The following ASIC2 variants were observed in gnomAD, a reference collection of about 807,000 sequenced individuals.
ASIC2 encodes the protein acid-sensing ion channel 2.
ASIC2 carries 25 observed loss-of-function variants against 57.3 expected under a neutral mutation model. The observed-to-expected ratio is 0.44, with a 90% confidence interval of 0.32 to 0.61. ASIC2 has a LOEUF of 0.61. Ranked by LOEUF, ASIC2 falls within the 20% of genes least tolerant of loss-of-function variation. The pLI is 0.06. For missense variants in ASIC2, 641 were observed against 738.1 expected (o/e 0.87, Z 1.52); for synonymous variants, 319 against 307.5 (o/e 1.04, Z -0.39).
At position 33,201,578 on chromosome 17, in the gene ASIC2, T is replaced by A. The variant is rs1906861529; in HGVS notation, c.709-89511A>T. ...CACCCCTTTTCTAGACATTTCTGAA[T>A]AACTCACCCTTTAATTTGCATGTAA... is the stretch of plus-strand genomic sequence containing the variant. On this transcript the variant is annotated intron_variant, in intron 1 of 9. Transcript: ENST00000225823. Among the ~76,000 whole-genome samples, 4 of 152,240 alleles carry A rather than the reference T, an allele frequency of 2.6e-5. No homozygotes were observed. In the South Asian group the frequency reaches 8.3e-4, roughly 32 times the overall value.
intron 1 of ASIC2, among the ~76,000 whole-genome samples, chr17:33,153,612 C>G (rs1039406292): frequency 1.3e-5 from 2 of 152,160 alleles, no homozygotes; most frequent in Non-Finnish European, 2.9e-5. Context: ...TTTATGCTTT[C>G]ACAATTTAAG....
At chr17:33,464,687 C>CTATA (rs3057641) in intron 1 of ASIC2, among the ~76,000 whole-genome samples, 2 of 132,640 alleles carry the variant, frequency 1.5e-5, no homozygotes, top group African/African-American at 5.8e-5. Flanking sequence ...CTCTCTCTCT[C>CTATA]TATATATATA....
At chr17:33,142,102 C>T (rs761959218) in intron 1 of ASIC2, among the ~76,000 whole-genome samples, 3 of 152,190 alleles carry the variant, frequency 2.0e-5, no homozygotes, top group Admixed American at 6.5e-5. Context: ...TTCTCTGTTG[C>T]TTTTTCAGCA....
At chr17:34,087,436 T>C (rs372156588) in intron 1 of ASIC2, among the ~76,000 whole-genome samples, 9 of 151,222 alleles carry the variant, frequency 6.0e-5, no homozygotes, top group African/African-American at 2.2e-4. Flanking sequence ...CTTCCCTTTG[T>C]GGGTAACCCG....
At chr17:33,801,287 T>G (rs564975241) in intron 1 of ASIC2, among the ~76,000 whole-genome samples, 1 of 152,240 alleles carries the variant, frequency 6.6e-6, no homozygotes, top group South Asian at 2.1e-4. Context: ...ACATCAGACA[T>G]TTTGCAGGAG....
intron 1 of ASIC2, among the ~76,000 whole-genome samples, chr17:33,390,067 C>A (rs1461158886): frequency 1.3e-5 from 2 of 152,000 alleles, no homozygotes; most frequent in African/African-American, 2.4e-5. Context: ...AATTCCAGTA[C>A]TTTGGGAGGC....
intron 1 of ASIC2, among the ~76,000 whole-genome samples, chr17:34,154,239 G>C (rs1359776566): frequency 6.6e-6 from 1 of 152,214 alleles, no homozygotes; most frequent in African/African-American, 2.4e-5. Flanking sequence ...GAACGGGGTG[G>C]AATATAGTGA....
At chr17:34,002,052 T>G (rs142883566) in intron 1 of ASIC2, 1 of 152,254 alleles carries the variant, frequency 6.6e-6, no homozygotes, top group Non-Finnish European at 1.5e-5. Flanking sequence ...ATTCAAACTC[T>G]CCTCTGAAAG....
At chr17:33,067,636 G>C (rs1598261182) in intron 3 of ASIC2, among the ~76,000 whole-genome samples, 1 of 152,144 alleles carries the variant, frequency 6.6e-6, no homozygotes, top group South Asian at 2.1e-4. Context: ...AGCCACCAAG[G>C]GTGTCTAAGT....
intron 1 of ASIC2, among the ~76,000 whole-genome samples, chr17:33,587,946 A>G (rs540727714): frequency 1.8e-4 from 27 of 152,196 alleles, no homozygotes; most frequent in Middle Eastern, 3.2e-3. Context: ...AGCTGACTTC[A>G]TAACAGTCTC....
chr17:33,544,241 G>A (rs192579931), intron 1 of ASIC2, among the ~76,000 whole-genome samples: 3 of 152,284 alleles, frequency 2.0e-5, no homozygotes, highest in African/African-American at 7.2e-5. Flanking sequence ...CTGAGTAGTA[G>A]ACCATTGTGT....
chr17:33,702,542 CT>C, intron 1 of ASIC2, among the ~76,000 whole-genome samples: 1 of 152,264 alleles, frequency 6.6e-6, no homozygotes. Context: ...CACCATTACA[CT>C]TTAACTTGTG....
intron 1 of ASIC2, among the ~76,000 whole-genome samples, chr17:34,053,066 A>G (rs1170709260): frequency 1.3e-5 from 2 of 152,118 alleles, no homozygotes; most frequent in Non-Finnish European, 2.9e-5. Flanking sequence ...TTGCTGTTCC[A>G]AGCTGCTCAC....
intron 7 of ASIC2, 57 bp downstream of exon 7, chr17:33,021,162 T>TGCCCC: frequency 2.0e-5 from 14 of 693,998 alleles, no homozygotes; most frequent in Non-Finnish European, 1.8e-5. Context: ...CTGTGCATCC[T>TGCCCC]CCCTCCCTCC....
At chr17:33,325,185 T>C (rs1907025990) in intron 1 of ASIC2, among the ~76,000 whole-genome samples, 1 of 151,948 alleles carries the variant, frequency 6.6e-6, no homozygotes, top group Non-Finnish European at 1.5e-5. Context: ...CATAGTCCAG[T>C]GAGGAAAGCA....
intron 1 of ASIC2, among the ~76,000 whole-genome samples, chr17:33,382,043 T>G (rs531549012): frequency 6.6e-6 from 1 of 152,168 alleles, no homozygotes; most frequent in South Asian, 2.1e-4. Flanking sequence ...TAGTCCCACG[T>G]TGGATCTCCC....
At chr17:33,545,623 C>G (rs1174999238) in intron 1 of ASIC2, among the ~76,000 whole-genome samples, 1 of 152,126 alleles carries the variant, frequency 6.6e-6, no homozygotes, top group Non-Finnish European at 1.5e-5. Context: ...CACCTTCATT[C>G]AATGCCCATT....
intron 3 of ASIC2, among the ~76,000 whole-genome samples, chr17:33,086,625 A>G (rs901707396): frequency 1.3e-5 from 2 of 152,134 alleles, no homozygotes; most frequent in Non-Finnish European, 2.9e-5. Flanking sequence ...TAGTTGGCCT[A>G]TGAAGACTTG....
At chr17:33,014,486 A>G (rs1210633331) in intron 9 of ASIC2, among the ~76,000 whole-genome samples, 1 of 151,916 alleles carries the variant, frequency 6.6e-6, no homozygotes, top group Non-Finnish European at 1.5e-5. Flanking sequence ...GCTGAGGCCA[A>G]GCAGAAACGG....
Sources: allele counts gnomAD v4.1 joint callset (sites outside exome capture counted in the v4.1 genomes callset), GRCh38; gene constraint gnomAD v4.1.1; transcripts MANE v1.5; gene names NCBI Gene and HGNC (gene_info 2026-07-23, HGNC 2026-07-21).